The following RMDN2 variants were observed in gnomAD, a reference collection of about 807,000 sequenced individuals.
RMDN2 encodes regulator of microtubule dynamics protein 2.
A neutral mutation model predicts 52.8 loss-of-function variants in RMDN2; 61 were observed. The observed-to-expected ratio is 1.16, with a 90% confidence interval of 0.94 to 1.43. RMDN2 has a LOEUF of 1.43. Ranked by LOEUF, RMDN2 falls within the 40% of genes most tolerant of loss-of-function variation. The pLI, the probability that RMDN2 is intolerant of heterozygous loss-of-function variation, is 0.00. For synonymous variants in RMDN2, 180 were observed against 153.1 expected, an observed-to-expected ratio of 1.18 and a Z score of -1.30; for missense variants, 592 against 475.3, an observed-to-expected ratio of 1.25 and a Z score of -2.28.
In RMDN2 at chr2:37,963,371, A is replaced by C. The variant is rs1296267260; in HGVS notation, c.453-10669A>C. Reference sequence around the variant, plus strand: ...TCTTGGGTGTTTCTCGGAGAGGGGGATTTGGCAGGGTCATAGGACAATAGT... The same window carrying C: ...TCTTGGGTGTTTCTCGGAGAGGGGGCTTTGGCAGGGTCATAGGACAATAGT... On this transcript the variant is annotated intron_variant, in intron 2 of 10. Coordinates refer to ENST00000354545, the MANE Select transcript of RMDN2 (RefSeq NM_001170791.3). 3.1e-5 allele frequency among the ~76,000 whole-genome samples: 3 copies of C among 96,068 alleles called. No individual in the cohort carries two copies. In the Admixed American group the frequency reaches 3.9e-4, roughly 12 times the overall value. The allele number at this position is 96,068 out of a possible 152,430, so 63.0% of individuals were successfully genotyped here.
chr2:37,951,651 C>G (rs138663377), intron 2 of RMDN2: 1 of 1,613,160 alleles, frequency 6.2e-7, no homozygotes, highest in Non-Finnish European at 8.5e-7. Flanking sequence ...TTTTTTTGAT[C>G]CTCAAGCAAG....
chr2:37,988,764 T>C (rs1336068529), intron 5 of RMDN2, among the ~76,000 whole-genome samples: 2 of 152,228 alleles, frequency 1.3e-5, no homozygotes, highest in Admixed American at 6.5e-5. Flanking sequence ...CTTCAAAGAT[T>C]TTTGTACAGG....
intron 2 of RMDN2, among the ~76,000 whole-genome samples, chr2:37,941,551 A>C (rs1667788892): frequency 6.6e-6 from 1 of 152,206 alleles, no homozygotes. Context: ...ATGTGTAAGC[A>C]CCAGACTGAG....
At chr2:37,949,709 C>T (rs1668549934) in intron 2 of RMDN2, among the ~76,000 whole-genome samples, 1 of 151,996 alleles carries the variant, frequency 6.6e-6, no homozygotes, top group African/African-American at 2.4e-5. Context: ...GGAGCAAAGG[C>T]TAGAGGCGGT....
intron 10 of RMDN2, chr2:38,036,375 A>C (rs1680579741): frequency 6.6e-6 from 1 of 152,190 alleles, no homozygotes; most frequent in Non-Finnish European, 1.5e-5. Flanking sequence ...AATAAAGAAG[A>C]ATTGTTAGCT....
chr2:38,032,965 C>T (rs1180908017), intron 10 of RMDN2: 1 of 152,176 alleles, frequency 6.6e-6, no homozygotes, highest in Non-Finnish European at 1.5e-5. Flanking sequence ...AGTAAGTATA[C>T]ATTAGCTTTA....
At chr2:37,974,879 T>C (rs911534278) in intron 3 of RMDN2, 9 of 241,498 alleles carry the variant, frequency 3.7e-5, no homozygotes, top group Non-Finnish European at 7.1e-5. Flanking sequence ...AATAGATAAC[T>C]TGGAAAGGAA....
chr2:38,059,285 G>A (rs1681953175), intron 10 of RMDN2, among the ~76,000 whole-genome samples: 1 of 152,202 alleles, frequency 6.6e-6, no homozygotes, highest in Admixed American at 6.5e-5. Context: ...GCACAGGTCA[G>A]TAGGACAATA....
intron 2 of RMDN2, among the ~76,000 whole-genome samples, chr2:37,933,260 C>G (rs538568642): frequency 6.7e-6 from 1 of 149,864 alleles, no homozygotes. Context: ...GGATGGCGGC[C>G]GGGCAGAGAC....
chr2:37,953,661 G>T (rs1267558146), intron 2 of RMDN2, among the ~76,000 whole-genome samples: 2 of 152,018 alleles, frequency 1.3e-5, no homozygotes, highest in African/African-American at 4.8e-5. Flanking sequence ...ACACGTGCAT[G>T]CAACTGTCTG....
chr2:37,976,987 C>T (rs1315583532), intron 4 of RMDN2, among the ~76,000 whole-genome samples: 3 of 151,936 alleles, frequency 2.0e-5, no homozygotes, highest in Admixed American at 6.6e-5. Flanking sequence ...AGGCAGAGGG[C>T]CCTGCCGCCT....
intron 10 of RMDN2, among the ~76,000 whole-genome samples, chr2:38,004,592 A>G (rs2125194904): frequency 6.6e-6 from 1 of 152,180 alleles, no homozygotes; most frequent in South Asian, 2.1e-4. Flanking sequence ...ATCCTGCATA[A>G]CTGAAACTGT....
intron 2 of RMDN2, among the ~76,000 whole-genome samples, chr2:37,934,733 C>T (rs866169930): frequency 6.6e-6 from 1 of 151,924 alleles, no homozygotes; most frequent in Non-Finnish European, 1.5e-5. Flanking sequence ...AAAATATACT[C>T]TTAAGGTCAC....
chr2:38,003,991 G>C lies in RMDN2; in HGVS notation c.1045G>C (p.Ala349Pro). The change falls in exon 9 of 11, where the codon GCT becomes CCT. Residue 349 changes from alanine (A) to proline (P), a missense_variant and splice_region_variant. Ala to Pro is a conservative substitution (Grantham distance 27). Transcript: ENST00000354545. Reference protein sequence around the residue: ...VQEALHNFLKAEELCPGYSNP... With the variant: ...VQEALHNFLKPEELCPGYSNP... Reference sequence around the variant, plus strand: ...CTCTCATGTTTTTCTCTCAAATCAGGCTGAAGAACTATGCCCTGGTTATTC... The same window carrying C: ...CTCTCATGTTTTTCTCTCAAATCAGCCTGAAGAACTATGCCCTGGTTATTC... The C allele has an allele frequency of 1.2e-6, 2 of 1,610,652 alleles. No individual in the cohort carries two copies. Among genetic ancestry groups the C allele is most frequent in the Non-Finnish European group, 1.7e-6 (2 of 1,177,164 alleles).
chr2:38,033,885 T>G (rs1239448585), intron 10 of RMDN2, among the ~76,000 whole-genome samples: 1 of 152,206 alleles, frequency 6.6e-6, no homozygotes, highest in South Asian at 2.1e-4. Context: ...TTACGGAATA[T>G]ATCAGCATAT....
intron 10 of RMDN2, chr2:38,066,876 C>A: frequency 2.0e-6 from 2 of 995,062 alleles, no homozygotes; most frequent in Non-Finnish European, 3.2e-6. Flanking sequence ...TTCTCTTAAA[C>A]CACTCCATAG....
chr2:38,031,256 CTTT>C (rs552306141), intron 10 of RMDN2, among the ~76,000 whole-genome samples: 1 of 105,854 alleles, frequency 9.4e-6, no homozygotes, highest in African/African-American at 3.8e-5. Flanking sequence ...CTTTGTTTCC[CTTT>C]TTTTTTTTTT....
intron 10 of RMDN2, chr2:38,066,835 T>C: frequency 7.7e-6 from 5 of 653,006 alleles, no homozygotes; most frequent in Non-Finnish European, 1.4e-5. Flanking sequence ...TCCAAGATCC[T>C]ACTGTCATAC....
chr2:37,982,448 C>G (rs116557656), intron 5 of RMDN2, among the ~76,000 whole-genome samples: 2,460 of 152,308 alleles, frequency 0.016, 45 homozygotes, highest in Non-Finnish European at 0.026. Flanking sequence ...CCCCTGCCCT[C>G]TGTCATGAGA....
Sources: gnomAD v4.1 joint callset for allele counts (sites outside exome capture counted in the v4.1 genomes callset) on GRCh38, gnomAD v4.1.1 for gene constraint, MANE v1.5 for transcripts, NCBI Gene and HGNC (gene_info 2026-07-23, HGNC 2026-07-21) for gene names.